CFAP77: variants seen among roughly 807,000 people sequenced by gnomAD.
CFAP77 encodes the protein cilia- and flagella-associated protein 77.
CFAP77 carries 25 observed loss-of-function variants against 31.1 expected under a neutral mutation model. The observed-to-expected ratio is 0.80, with a 90% CI of 0.59 to 1.12. The LOEUF (loss-of-function observed/expected upper bound fraction) is 1.12, where lower values mean the gene tolerates loss of function less well. Ranked by LOEUF, CFAP77 falls within the 50% of genes most tolerant of loss-of-function variation. The pLI, the probability that CFAP77 is intolerant of heterozygous loss-of-function variation, is 0.00. For missense variants in CFAP77, 377 were observed against 397.3 expected (o/e 0.95, Z 0.44); for synonymous variants, 151 against 159.9 (o/e 0.94, Z 0.42).
intron 1 of CFAP77, among the ~76,000 whole-genome samples, chr9:132,439,803 C>T (rs1475357868): frequency 5.5e-5 from 8 of 145,202 alleles, no homozygotes; most frequent in Middle Eastern, 3.8e-3. Context: ...GAGCCGAGAT[C>T]GTGCCACTGC....
rs182440181 is a variant in CFAP77 at position 132,455,522 on chromosome 9, A to C, written c.196-43173A>C. 2.3e-3 allele frequency among the ~76,000 whole-genome samples: 348 copies of C among 150,626 alleles called. 2 individuals are homozygous for C. The highest frequency in any genetic ancestry group is 8.2e-3 in the African/African-American group (337 of 40,990). On this transcript the variant is annotated intron_variant, in intron 1 of 5. Transcript: ENST00000393216. This position sits in a 1 kb window ranked among gnomAD's most constrained non-coding sequence, Gnocchi z 4.1. ...GACTCCTGAAAAAAAAAAACAAAAAAACTTCGAGACCAGCCTGGGCAACAT... is the reference window on the plus strand; with the variant it reads ...GACTCCTGAAAAAAAAAAACAAAAACACTTCGAGACCAGCCTGGGCAACAT...
chr9:132,418,112 C>T (rs1038975657), intron 1 of CFAP77, among the ~76,000 whole-genome samples: 4 of 152,150 alleles, frequency 2.6e-5, no homozygotes, highest in Admixed American at 2.0e-4. Context: ...GTAACGTGGT[C>T]GGATTCAAAT....
chr9:132,569,804 C>A (rs1023070027), intron 5 of CFAP77, among the ~76,000 whole-genome samples: 3 of 146,548 alleles, frequency 2.0e-5, no homozygotes, highest in Non-Finnish European at 4.5e-5. Context: ...GGCACAATCT[C>A]GGCTCACTGC....
intron 3 of CFAP77, among the ~76,000 whole-genome samples, chr9:132,513,650 G>A (rs961320271): frequency 2.6e-5 from 4 of 152,132 alleles, no homozygotes; most frequent in Admixed American, 6.5e-5. Context: ...TGAATCGTCC[G>A]CCACAGGTGT....
In CFAP77 at chr9:132,497,975, G is replaced by T. The variant is rs1207237240; in HGVS notation, c.196-720G>T. Among the ~76,000 whole-genome samples, 1 of 152,188 alleles carries T rather than the reference G, an allele frequency of 6.6e-6. No individual in the cohort carries two copies. Among genetic ancestry groups the T allele is most frequent in the Non-Finnish European group, 1.5e-5 (1 of 68,034 alleles). ...GCGATGCCCTGCCCAGCGCTTGGGG[G>T]CCGGGGATATCGACCCTGCCTCTCT... On this transcript the variant is annotated intron_variant, in intron 1 of 5. Coordinates refer to ENST00000393216, the MANE Select transcript of CFAP77 (RefSeq NM_001282957.2). The surrounding 1 kb of genome is among the most constrained non-coding windows in gnomAD (Gnocchi z 4.9).
chr9:132,465,073 C>CAAAAAAAA (rs773917029), intron 1 of CFAP77, among the ~76,000 whole-genome samples: 139 of 80,272 alleles, frequency 1.7e-3, no homozygotes, highest in Admixed American at 2.2e-3. Context: ...GACTCTGTCT[C>CAAAAAAAA]AAAAAAAAAA....
intron 3 of CFAP77, among the ~76,000 whole-genome samples, chr9:132,516,641 G>A (rs968201968): frequency 6.6e-6 from 1 of 151,122 alleles, no homozygotes; most frequent in Non-Finnish European, 1.5e-5. Flanking sequence ...GCGAAATCAG[G>A]GAAATCTGAA....
chr9:132,532,210 G>C (rs1488498281), intron 3 of CFAP77, among the ~76,000 whole-genome samples: 1 of 152,236 alleles, frequency 6.6e-6, no homozygotes, highest in Non-Finnish European at 1.5e-5. Flanking sequence ...TGCTCAGACA[G>C]AATCCCAGCT....
In CFAP77 at chr9:132,559,201, TG is replaced by T. The variant is rs527791410; in HGVS notation, c.733-13184del. ...CTACTAAAAATACAAAAAAATTAGC[TG>T]GGTGTGGTGGCGGGCATCTGTAGTC... is the stretch of plus-strand genomic sequence containing the variant. On this transcript the variant is annotated intron_variant, in intron 5 of 5. Coordinates refer to ENST00000393216, the MANE Select transcript of CFAP77 (RefSeq NM_001282957.2). 9.6e-3 allele frequency among the ~76,000 whole-genome samples: 1,448 copies of T among 150,714 alleles called. 5 individuals carry two copies. The highest frequency in any genetic ancestry group is 0.016 in the Non-Finnish European group (1,067 of 67,660).
intron 3 of CFAP77, among the ~76,000 whole-genome samples, chr9:132,504,818 G>A (rs1444777426): frequency 6.6e-6 from 1 of 152,196 alleles, no homozygotes; most frequent in African/African-American, 2.4e-5. Flanking sequence ...GCATAAGTGC[G>A]GAGGAAACGG....
chr9:132,412,847 T>C (rs1850032640), intron 1 of CFAP77, among the ~76,000 whole-genome samples: 1 of 152,184 alleles, frequency 6.6e-6, no homozygotes, highest in African/African-American at 2.4e-5. Context: ...TCTTTTCATG[T>C]TATGGAAATT....
chr9:132,562,262 T>G (rs72767838), intron 5 of CFAP77, among the ~76,000 whole-genome samples: 9,000 of 152,274 alleles, frequency 0.059, 370 homozygotes, highest in Non-Finnish European at 0.09. Context: ...AACCCACATT[T>G]GTGTTCTCAT....
Position 132,499,332 on chromosome 9 carries a change from C to G in CFAP77, c.296-40C>G. On this transcript the variant is annotated intron_variant, in intron 2 of 5. Transcript: ENST00000393216. This position sits in a 1 kb window ranked among gnomAD's most constrained non-coding sequence, Gnocchi z 5.4. ...TCAGCTGCCTCAGGGTGCTTACTCC[C>G]AGGCTGACCACTGCCCCGTGGGTCT... 6.3e-7 allele frequency: 1 copy of G among 1,592,776 alleles called. No individual in the cohort carries two copies. The highest frequency in any genetic ancestry group is 1.7e-5 in the Admixed American group (1 of 59,760).
intron 3 of CFAP77, among the ~76,000 whole-genome samples, chr9:132,522,834 G>A (rs1283180868): frequency 6.6e-6 from 1 of 152,202 alleles, no homozygotes; most frequent in Non-Finnish European, 1.5e-5. Context: ...ACCTGTGCAT[G>A]GTAGGCGGAG....
intron 3 of CFAP77, 79 bp from the exon 4 acceptor site, chr9:132,537,522 T>C: frequency 9.8e-7 from 1 of 1,024,624 alleles, no homozygotes; most frequent in Non-Finnish European, 1.5e-6. Flanking sequence ...TTTAGGAGGC[T>C]CCCGGGGGCG....
chr9:132,482,289 G>A (rs554868922), intron 1 of CFAP77: 2 of 1,571,468 alleles, frequency 1.3e-6, no homozygotes, highest in Non-Finnish European at 1.8e-6. Flanking sequence ...TGATCAAGTG[G>A]ACTCTGCATT....
At chr9:132,433,321 G>A (rs1452640346) in intron 1 of CFAP77, among the ~76,000 whole-genome samples, 1 of 152,278 alleles carries the variant, frequency 6.6e-6, no homozygotes, top group Non-Finnish European at 1.5e-5. Context: ...TTTGCCAGCC[G>A]TACTCGTGTG....
At chr9:132,486,020 A>ATATATATATG (rs1564222971) in intron 1 of CFAP77, among the ~76,000 whole-genome samples, 1 of 43,066 alleles carries the variant, frequency 2.3e-5, no homozygotes, top group African/African-American at 2.7e-4. Flanking sequence ...ATATATATAT[A>ATATATATATG]TATATATATA....
In CFAP77 at chr9:132,533,293, G is replaced by A. The variant is rs143464913; in HGVS notation, c.525-4308G>A. On this transcript the variant is annotated intron_variant, in intron 3 of 5. Coordinates refer to ENST00000393216, the MANE Select transcript of CFAP77 (RefSeq NM_001282957.2). ...GCTCATGGGAAAGGTGGTTCCCATCGATGTTTCCCAGTGTGTAGGCTGAGG... is the reference window on the plus strand; with the variant it reads ...GCTCATGGGAAAGGTGGTTCCCATCAATGTTTCCCAGTGTGTAGGCTGAGG... Among the ~76,000 whole-genome samples, 11 of 152,304 alleles carry A rather than the reference G, an allele frequency of 7.2e-5. No individual in the cohort carries two copies. In the East Asian group the frequency reaches 1.2e-3, roughly 16 times the overall value.
Sources: gnomAD v4.1 joint callset for allele counts (sites outside exome capture counted in the v4.1 genomes callset) on GRCh38, gnomAD v4.1.1 for gene constraint, Gnocchi (gnomAD v3.1) non-coding constraint, MANE v1.5 for transcripts, NCBI Gene and HGNC (gene_info 2026-07-23, HGNC 2026-07-21) for gene names.